KCNIP4: variants seen among roughly 807,000 people sequenced by gnomAD.
KCNIP4 encodes the protein Kv channel-interacting protein 4.
In KCNIP4, 12 loss-of-function variants were observed where a neutral mutation model predicts 34.0. That is an observed-to-expected ratio of 0.35 (90% CI 0.23 to 0.57). KCNIP4 has a LOEUF of 0.57. KCNIP4 is among the 20% of genes least tolerant of loss of function. The pLI, the probability that KCNIP4 is intolerant of heterozygous loss-of-function variation, is 0.83. For synonymous variants in KCNIP4, 124 were observed against 102.2 expected (o/e 1.21, Z -1.29); for missense variants, 238 against 311.7 (o/e 0.76, Z 1.78).
At chr4:20,944,234 C>A (rs945995526) in intron 1 of KCNIP4, among the ~76,000 whole-genome samples, 2 of 152,204 alleles carry the variant, frequency 1.3e-5, no homozygotes, top group Non-Finnish European at 2.9e-5. Flanking sequence ...GAAAGGGAAT[C>A]TCTGGCCACC....
chr4:21,275,384 A>G (rs1415387605), intron 1 of KCNIP4, among the ~76,000 whole-genome samples: 1 of 152,214 alleles, frequency 6.6e-6, no homozygotes, highest in Admixed American at 6.5e-5. Context: ...ATGAGATCAC[A>G]TGGATTAATA....
intron 1 of KCNIP4, among the ~76,000 whole-genome samples, chr4:20,982,806 T>C (rs1736200453): frequency 6.6e-6 from 1 of 152,194 alleles, no homozygotes; most frequent in Admixed American, 6.5e-5. Flanking sequence ...ACAGAAAGCA[T>C]AGGCAAGTTT....
chr4:20,791,789 C>T (rs928308720), intron 3 of KCNIP4, among the ~76,000 whole-genome samples: 40 of 152,158 alleles, frequency 2.6e-4, no homozygotes, highest in African/African-American at 9.2e-4. Flanking sequence ...ATGGGATTAA[C>T]ATCTAAATCT....
At chr4:20,953,945 C>T (rs1448517496) in intron 1 of KCNIP4, among the ~76,000 whole-genome samples, 1 of 152,180 alleles carries the variant, frequency 6.6e-6, no homozygotes, top group Non-Finnish European at 1.5e-5. Flanking sequence ...CAAGTAGAGT[C>T]ACGGGAAACA....
chr4:21,550,853 T>A (rs1047645199), intron 1 of KCNIP4, among the ~76,000 whole-genome samples: 6 of 152,134 alleles, frequency 3.9e-5, no homozygotes, highest in Non-Finnish European at 7.4e-5. Context: ...ATCTTTTGAA[T>A]CTGCCAAAGC....
At chr4:21,089,909 C>T (rs1746835613) in intron 1 of KCNIP4, among the ~76,000 whole-genome samples, 1 of 152,214 alleles carries the variant, frequency 6.6e-6, no homozygotes, top group African/African-American at 2.4e-5. Context: ...TGACACATCA[C>T]ACACATACTC....
intron 1 of KCNIP4, among the ~76,000 whole-genome samples, chr4:21,604,522 T>C (rs181620692): frequency 6.6e-6 from 1 of 152,138 alleles, no homozygotes; most frequent in Admixed American, 6.5e-5. Flanking sequence ...ACACGATATA[T>C]TTTGCTCCTC....
chr4:20,745,769 G>A (rs1195821384), intron 5 of KCNIP4, among the ~76,000 whole-genome samples: 1 of 152,156 alleles, frequency 6.6e-6, no homozygotes, highest in Non-Finnish European at 1.5e-5. Flanking sequence ...GAGTGCCTCA[G>A]TGCTGGCCAC....
At chr4:21,695,615 T>C (rs1311564612) in intron 1 of KCNIP4, among the ~76,000 whole-genome samples, 1 of 152,182 alleles carries the variant, frequency 6.6e-6, no homozygotes, top group Non-Finnish European at 1.5e-5. Context: ...ACTTATGGTT[T>C]ACAGTTTCCC....
intron 3 of KCNIP4, among the ~76,000 whole-genome samples, chr4:20,847,871 A>G (rs1720564361): frequency 1.3e-5 from 2 of 152,182 alleles, no homozygotes; most frequent in Admixed American, 1.3e-4. Flanking sequence ...TTCATTAAAA[A>G]TGAATATCCC....
At chr4:21,257,380 C>A (rs1010993496) in intron 1 of KCNIP4, among the ~76,000 whole-genome samples, 1 of 152,112 alleles carries the variant, frequency 6.6e-6, no homozygotes, top group Non-Finnish European at 1.5e-5. Flanking sequence ...ACCCCCCAGA[C>A]AAGTGATATC....
At chr4:20,965,214 A>C (rs1375659780) in intron 1 of KCNIP4, among the ~76,000 whole-genome samples, 1 of 152,172 alleles carries the variant, frequency 6.6e-6, no homozygotes, top group Non-Finnish European at 1.5e-5. Flanking sequence ...TCTATCCTAT[A>C]TTCCTGCCAA....
intron 1 of KCNIP4, among the ~76,000 whole-genome samples, chr4:21,448,924 A>C (rs539756484): frequency 1.5e-4 from 23 of 152,356 alleles, no homozygotes; most frequent in African/African-American, 5.3e-4. Flanking sequence ...CCTGGACTGA[A>C]ACGGAGAGAG....
At chr4:21,620,201 ATAAG>A (rs774737861) in intron 1 of KCNIP4, among the ~76,000 whole-genome samples, 15 of 152,086 alleles carry the variant, frequency 9.9e-5, no homozygotes, top group Non-Finnish European at 1.9e-4. Context: ...AGTAGAAACC[ATAAG>A]TAAAGAAAGA....
chr4:21,732,402 G>T (rs1036237066), intron 1 of KCNIP4, among the ~76,000 whole-genome samples: 1 of 152,130 alleles, frequency 6.6e-6, no homozygotes, highest in Non-Finnish European at 1.5e-5. Flanking sequence ...CAATTCCCGA[G>T]AAGTGAGAAA....
chr4:21,524,083 T>G (rs1577522268), intron 1 of KCNIP4, among the ~76,000 whole-genome samples: 1 of 152,086 alleles, frequency 6.6e-6, no homozygotes, highest in Non-Finnish European at 1.5e-5. Flanking sequence ...CCTCCTTTAT[T>G]TTCTCCACTC....
At chr4:21,270,693 A>C (rs1015506680) in intron 1 of KCNIP4, among the ~76,000 whole-genome samples, 3 of 152,152 alleles carry the variant, frequency 2.0e-5, no homozygotes, top group Non-Finnish European at 4.4e-5. Flanking sequence ...CATTAATTTA[A>C]GAATAGATTG....
At chr4:21,571,738 C>T (rs1740383691) in intron 1 of KCNIP4, among the ~76,000 whole-genome samples, 1 of 152,108 alleles carries the variant, frequency 6.6e-6, no homozygotes, top group Non-Finnish European at 1.5e-5. Flanking sequence ...TGTGACAGTA[C>T]TAACAGAAAA....
intron 1 of KCNIP4, among the ~76,000 whole-genome samples, chr4:21,863,834 T>C (rs1725254084): frequency 1.3e-5 from 2 of 152,248 alleles, no homozygotes; most frequent in South Asian, 4.1e-4. Context: ...TCACTAAAGC[T>C]GGCCTATGAA....
Sources: gnomAD v4.1 joint callset for allele counts (sites outside exome capture counted in the v4.1 genomes callset) on GRCh38, gnomAD v4.1.1 for gene constraint, MANE v1.5 for transcripts, NCBI Gene and HGNC (gene_info 2026-07-23, HGNC 2026-07-21) for gene names.